The following RBFOX1 variants were observed in gnomAD, a reference collection of about 807,000 sequenced individuals.
RBFOX1 encodes RNA binding fox-1 homolog 1.
A neutral mutation model predicts 57.7 loss-of-function variants in RBFOX1; 8 were observed. The observed-to-expected ratio is 0.14, with a 90% confidence interval of 0.08 to 0.25. The LOEUF (loss-of-function observed/expected upper bound fraction) is 0.25, where lower values mean the gene tolerates loss of function less well. Ranked by LOEUF, RBFOX1 falls within the 10% of genes least tolerant of loss-of-function variation. RBFOX1 has a pLI of 1.00. For synonymous variants in RBFOX1, 326 were observed against 222.4 expected, an observed-to-expected ratio of 1.47 and a Z score of -4.15; for missense variants, 611 against 548.5, an observed-to-expected ratio of 1.11 and a Z score of -1.14.
At chr16:6,175,372 G>A (rs1159858622) in intron 1 of RBFOX1, among the ~76,000 whole-genome samples, 1 of 152,152 alleles carries the variant, frequency 6.6e-6, no homozygotes, top group Non-Finnish European at 1.5e-5. Flanking sequence ...TTCTTCTCCT[G>A]GAGATTTATG....
rs201889492 is a variant in RBFOX1, at chr16:7,100,565, G to GTT, written c.27+48486_27+48487dup. Among the ~76,000 whole-genome samples, 420 of 118,740 alleles carry GTT rather than the reference G, an allele frequency of 3.5e-3. 5 individuals carry two copies. Among genetic ancestry groups the GTT allele is most frequent in the Middle Eastern group, 0.027 (6 of 222 alleles). The allele number at this position is 118,740 out of a possible 152,430, so 77.9% of individuals were successfully genotyped here. ...GGGAAAACATGGGTTTTTAAAGGTT[G>GTT]TTTTTTTTTTTTTTTTTTTTAGCAT... On this transcript the variant is annotated intron_variant, in intron 4 of 15. Transcript: ENST00000550418.
intron 4 of RBFOX1, among the ~76,000 whole-genome samples, chr16:7,253,411 C>A (rs560837650): frequency 1.3e-5 from 2 of 152,150 alleles, no homozygotes; most frequent in Non-Finnish European, 2.9e-5. Context: ...GCTTGACAAC[C>A]CCTCAACCTC....
chr16:7,229,620 A>T (rs1423748036), intron 4 of RBFOX1, among the ~76,000 whole-genome samples: 2 of 116,714 alleles, frequency 1.7e-5, no homozygotes, highest in African/African-American at 7.0e-5. Flanking sequence ...GAGAAGAAAG[A>T]TGGAGGGAGG....
chr16:7,037,945 AATT>A (rs1355972619), intron 3 of RBFOX1, among the ~76,000 whole-genome samples: 5 of 152,216 alleles, frequency 3.3e-5, no homozygotes, highest in African/African-American at 7.2e-5. Context: ...CTTCTGATAA[AATT>A]ATTATTAGAG....
chr16:6,895,063 C>T (rs1425149839), intron 3 of RBFOX1, among the ~76,000 whole-genome samples: 2 of 152,112 alleles, frequency 1.3e-5, no homozygotes, highest in Non-Finnish European at 1.5e-5. Context: ...TAGATAAATA[C>T]ATCTTTAATA....
intron 4 of RBFOX1, among the ~76,000 whole-genome samples, chr16:5,899,166 A>G (rs2058244686): frequency 7.0e-6 from 1 of 143,042 alleles, no homozygotes; most frequent in Middle Eastern, 3.8e-3. Flanking sequence ...AAAAAAAAAA[A>G]TAGGCTACTG....
intron 3 of RBFOX1, among the ~76,000 whole-genome samples, chr16:6,841,826 G>A (rs780800675): frequency 6.1e-4 from 93 of 152,140 alleles, no homozygotes; most frequent in Middle Eastern, 3.4e-3. Context: ...TGTTCTTCAG[G>A]TAGAATTTTT....
intron 2 of RBFOX1, among the ~76,000 whole-genome samples, chr16:6,563,559 G>T (rs183800315): frequency 9.0e-4 from 137 of 152,260 alleles, no homozygotes; most frequent in African/African-American, 3.0e-3. Context: ...CCGATAAAAA[G>T]ATGGCTGGGT....
intron 4 of RBFOX1, among the ~76,000 whole-genome samples, chr16:7,155,068 T>C (rs1381337383): frequency 6.6e-6 from 1 of 152,274 alleles, no homozygotes; most frequent in East Asian, 1.9e-4. Context: ...TATGTGTGTG[T>C]GTTTCTTCAA....
intron 3 of RBFOX1, among the ~76,000 whole-genome samples, chr16:6,960,777 A>G (rs1355390994): frequency 6.6e-6 from 1 of 151,950 alleles, no homozygotes; most frequent in African/African-American, 2.4e-5. Flanking sequence ...TTCAATCATC[A>G]TATCCCTGAC....
intron 3 of RBFOX1, among the ~76,000 whole-genome samples, chr16:5,780,144 A>G (rs1176064748): frequency 6.6e-6 from 1 of 152,186 alleles, no homozygotes; most frequent in Non-Finnish European, 1.5e-5. Flanking sequence ...ATGGGACTAC[A>G]AGTGCGTGAC....
chr16:7,201,061 G>C (rs148655498), intron 4 of RBFOX1, among the ~76,000 whole-genome samples: 2 of 152,312 alleles, frequency 1.3e-5, no homozygotes, highest in Admixed American at 6.5e-5. Context: ...TATGAGATCA[G>C]TGTGGGAATC....
intron 2 of RBFOX1, among the ~76,000 whole-genome samples, chr16:6,472,460 A>G (rs1484318505): frequency 1.3e-5 from 2 of 152,062 alleles, no homozygotes; most frequent in African/African-American, 4.8e-5. Flanking sequence ...AAATCCAGTC[A>G]TTGCTATTGG....
At chr16:6,100,199 G>A (rs1362902233) in intron 1 of RBFOX1, among the ~76,000 whole-genome samples, 1 of 151,706 alleles carries the variant, frequency 6.6e-6, no homozygotes, top group African/African-American at 2.4e-5. Flanking sequence ...GTCTTGCTCT[G>A]TCACCCAGGC....
intron 4 of RBFOX1, among the ~76,000 whole-genome samples, chr16:7,122,266 A>G (rs2151825920): frequency 6.6e-6 from 1 of 152,294 alleles, no homozygotes; most frequent in Non-Finnish European, 1.5e-5. Flanking sequence ...AATGTTCAGT[A>G]TCTAGAATAT....
chr16:7,301,688 G>C (rs1293692311), intron 4 of RBFOX1, among the ~76,000 whole-genome samples: 1 of 152,102 alleles, frequency 6.6e-6, no homozygotes, highest in Non-Finnish European at 1.5e-5. Flanking sequence ...ATGAGCTGAA[G>C]GAAAAAATTC....
chr16:6,460,379 TACAAGGA>T (rs2094889125), intron 2 of RBFOX1, among the ~76,000 whole-genome samples: 1 of 151,680 alleles, frequency 6.6e-6, no homozygotes, highest in South Asian at 2.1e-4. Context: ...ATCCAGAATC[TACAAGGA>T]ACTTAAGGAA....
chr16:5,463,540 C>G (rs912323356), intron 1 of RBFOX1, among the ~76,000 whole-genome samples: 3 of 152,106 alleles, frequency 2.0e-5, no homozygotes, highest in South Asian at 2.1e-4. Context: ...TGGGTCGTGT[C>G]TGTAATTCCA....
rs367851356 is a variant in RBFOX1, at chr16:5,394,185, G to A, written c.220-73031G>A. On this transcript the variant is annotated intron_variant, in intron 1 of 2. Transcript: ENST00000585867. ...ATTATAGGCATGCACTACCGTACCC[G>A]GCTAATTTTTGTATTTTTAGTAGAG... 9.2e-5 allele frequency among the ~76,000 whole-genome samples: 14 copies of A among 152,056 alleles called. 1 individual carries two copies. Among genetic ancestry groups the A allele is most frequent in the African/African-American group, 2.2e-4 (9 of 41,480 alleles).
Sources: allele counts gnomAD v4.1 joint callset (sites outside exome capture counted in the v4.1 genomes callset), GRCh38; gene constraint gnomAD v4.1.1; transcripts MANE v1.5; gene names NCBI Gene and HGNC (gene_info 2026-07-23, HGNC 2026-07-21).